APBB2: variants seen among roughly 807,000 people sequenced by gnomAD.
The protein encoded by APBB2 is amyloid beta precursor protein binding family B member 2.
APBB2 carries 38 observed loss-of-function variants against 82.5 expected under a neutral mutation model. That is an observed-to-expected ratio of 0.46 (90% CI 0.36 to 0.60). The LOEUF is 0.60. APBB2 is among the 20% of genes least tolerant of loss of function. The pLI is 0.00. For missense variants in APBB2, 772 were observed against 972.3 expected (o/e 0.79, Z 2.74); for synonymous variants, 341 against 368.2 (o/e 0.93, Z 0.85).
In APBB2 at chr4:41,049,354, C is replaced by A. The variant is rs529003012; in HGVS notation, c.-50-16050G>T. On this transcript the variant is annotated intron_variant, in intron 4 of 17. Transcript: ENST00000508593. ...GTGAGGAGCGTCTCCGACCGGCAGC[C>A]GCCCCGTCCGGGAGGTGGGGGGTCA... Among the ~76,000 whole-genome samples, 6 of 84,670 alleles carry A rather than the reference C, an allele frequency of 7.1e-5. 1 individual carries two copies. Among genetic ancestry groups the A allele is most frequent in the African/African-American group, 2.3e-4 (5 of 21,920 alleles). The allele number at this position is 84,670 out of a possible 152,430, so 55.5% of individuals were successfully genotyped here.
At chr4:40,827,358 C>T (rs1750303018) in intron 13 of APBB2, 139 bp from the exon 14 acceptor site, 1 of 643,878 alleles carries the variant, frequency 1.6e-6, no homozygotes, top group Non-Finnish European at 2.8e-6. Context: ...CCCACCCCTG[C>T]ATCTCTGGGG....
intron 2 of APBB2, among the ~76,000 whole-genome samples, chr4:41,126,931 T>G (rs1754575642): frequency 1.3e-5 from 2 of 152,162 alleles, no homozygotes; most frequent in African/African-American, 2.4e-5. Flanking sequence ...CTTTAAAGAC[T>G]TTGTCTCCAA....
At chr4:40,991,233 T>C (rs1408367062) in intron 6 of APBB2, among the ~76,000 whole-genome samples, 1 of 146,140 alleles carries the variant, frequency 6.8e-6, no homozygotes, top group Non-Finnish European at 1.5e-5. Context: ...CCCAGGCTGG[T>C]CTCGAACTCC....
At chr4:40,894,331 G>A (rs964145997) in intron 10 of APBB2, among the ~76,000 whole-genome samples, 1 of 147,158 alleles carries the variant, frequency 6.8e-6, no homozygotes, top group Non-Finnish European at 1.5e-5. Flanking sequence ...ATAAGTATAC[G>A]GCTAATGGAT....
intron 6 of APBB2, among the ~76,000 whole-genome samples, chr4:40,951,602 T>C (rs1790185688): frequency 6.6e-6 from 1 of 152,236 alleles, no homozygotes; most frequent in East Asian, 1.9e-4. Flanking sequence ...TGAGTGTCCT[T>C]GGACAAGTTC....
chr4:40,899,661 T>C (rs1226371595), intron 10 of APBB2, among the ~76,000 whole-genome samples: 1 of 152,268 alleles, frequency 6.6e-6, no homozygotes, highest in African/African-American at 2.4e-5. Context: ...GACTTCGTTC[T>C]CTCTGGTTCC....
chr4:41,094,400 AT>A (rs1742801434), intron 3 of APBB2, among the ~76,000 whole-genome samples: 1 of 152,242 alleles, frequency 6.6e-6, no homozygotes, highest in Non-Finnish European at 1.5e-5. Context: ...GCAATTAGGA[AT>A]TTCTTGAAAC....
chr4:41,036,801 T>G (rs1283557837), intron 4 of APBB2, among the ~76,000 whole-genome samples: 1 of 152,190 alleles, frequency 6.6e-6, no homozygotes, highest in Non-Finnish European at 1.5e-5. Context: ...GGTACAACTA[T>G]GCAGAACTTT....
chr4:41,047,152 G>A (rs911495675), intron 4 of APBB2, among the ~76,000 whole-genome samples: 14 of 152,200 alleles, frequency 9.2e-5, no homozygotes, highest in African/African-American at 3.4e-4. Context: ...ACTGGAGTAA[G>A]GGGAATGAGG....
In APBB2 at chr4:40,893,474, A is replaced by G. The variant is rs1772699817; in HGVS notation, c.1255-63T>C. ...GGTTTGGTCAATCATATCAGTTTAC[A>G]CTACTCCCCTCCCGCAACTAAAAGG... On this transcript the variant is annotated intron_variant, in intron 10 of 17. Coordinates refer to ENST00000508593, the MANE Select transcript of APBB2 (RefSeq NM_004307.2). 6.8e-6 allele frequency: 10 copies of G among 1,468,862 alleles called. No individual in the cohort carries two copies. The South Asian group carries it at 1.3e-4, about 19-fold the overall frequency. 91.0% of individuals were successfully genotyped at this position (1,468,862 alleles called of 1,614,324 possible).
At chr4:41,107,686 T>C (rs1747748802) in intron 2 of APBB2, among the ~76,000 whole-genome samples, 3 of 152,278 alleles carry the variant, frequency 2.0e-5, no homozygotes, top group South Asian at 2.1e-4. Flanking sequence ...AATGGAACAG[T>C]AGGTATCGCC....
chr4:41,140,889 A>G (rs896274812), intron 2 of APBB2, among the ~76,000 whole-genome samples: 9 of 152,178 alleles, frequency 5.9e-5, no homozygotes, highest in African/African-American at 2.2e-4. Context: ...TAGTTGCAGG[A>G]ACACAAGCTC....
intron 3 of APBB2, among the ~76,000 whole-genome samples, chr4:41,076,980 A>G (rs1406375536): frequency 6.9e-6 from 1 of 145,922 alleles, no homozygotes; most frequent in East Asian, 2.0e-4. Context: ...CTAAAGTAGA[A>G]CAAAAAGATA....
chr4:40,826,059 G>A lies in APBB2; in HGVS notation c.1733-89C>T. On this transcript the variant is annotated intron_variant, in intron 14 of 17. Transcript: ENST00000508593. This position sits in a 1 kb window ranked among gnomAD's most constrained non-coding sequence, Gnocchi z 4.5. The stretch of plus-strand genomic sequence containing the variant: ...TGGCTCTGCATCATCTGAATGCTCA[G>A]GACACGCCCTGTGCCATAACGCCCT... 2.1e-6 allele frequency: 2 copies of A among 961,102 alleles called. No homozygotes were observed. The highest frequency in any genetic ancestry group is 3.4e-6 in the Non-Finnish European group (2 of 586,362). 59.5% of individuals were successfully genotyped at this position (961,102 alleles called of 1,614,324 possible).
At chr4:41,109,224 A>G (rs1748299835) in intron 2 of APBB2, among the ~76,000 whole-genome samples, 1 of 152,048 alleles carries the variant, frequency 6.6e-6, no homozygotes, top group South Asian at 2.1e-4. Flanking sequence ...CAATTGTGCC[A>G]CTGCACTCCA....
chr4:40,934,826 G>T, intron 8 of APBB2, 127 bp from the exon 9 acceptor site: 1 of 742,428 alleles, frequency 1.3e-6, no homozygotes, highest in Non-Finnish European at 2.3e-6. Context: ...GGCAGAGAAA[G>T]GCATGCAAGG....
chr4:40,875,191 T>C (rs933834632), intron 12 of APBB2, among the ~76,000 whole-genome samples: 1 of 152,186 alleles, frequency 6.6e-6, no homozygotes, highest in African/African-American at 2.4e-5. Flanking sequence ...GAAAAATCAC[T>C]TGGGTTGCTG....
chr4:41,163,693 C>A (rs1318992268), intron 1 of APBB2, among the ~76,000 whole-genome samples: 1 of 152,194 alleles, frequency 6.6e-6, no homozygotes, highest in African/African-American at 2.4e-5. Context: ...GAACACTGGA[C>A]CAATCCACTT....
At chr4:41,084,127 A>T (rs112069836) in intron 3 of APBB2, among the ~76,000 whole-genome samples, 1 of 152,222 alleles carries the variant, frequency 6.6e-6, no homozygotes, top group Non-Finnish European at 1.5e-5. Context: ...TTTGATAGAA[A>T]TCTCTTAAAG....
Sources: gnomAD v4.1 joint callset for allele counts (sites outside exome capture counted in the v4.1 genomes callset) on GRCh38, gnomAD v4.1.1 for gene constraint, Gnocchi (gnomAD v3.1) non-coding constraint, MANE v1.5 for transcripts, NCBI Gene and HGNC (gene_info 2026-07-23, HGNC 2026-07-21) for gene names.